Variants in CACNA1B observed in about 807,000 individuals in gnomAD.
CACNA1B encodes the protein calcium voltage-gated channel subunit alpha1 B, also known as voltage-dependent N-type calcium channel subunit alpha-1B.
CACNA1B carries 70 observed loss-of-function variants against 247.2 expected under a neutral mutation model. The observed-to-expected ratio is 0.28, with a 90% CI of 0.23 to 0.35. The LOEUF is 0.35. CACNA1B is among the 10% of genes least tolerant of loss of function. The probability of loss-of-function intolerance (pLI) is 1.00; values close to 1 mark genes in which losing one functional copy is unlikely to be tolerated. For missense variants in CACNA1B, 2,367 were observed against 3,197.4 expected (o/e 0.74, Z 6.26); for synonymous variants, 1,231 against 1,294.4 (o/e 0.95, Z 1.05).
At chr9:138,117,796 A>C (rs1589138248) in intron 42 of CACNA1B, 150 bp from the exon 43 acceptor site, 11 of 526,762 alleles carry the variant, frequency 2.1e-5, no homozygotes, top group Non-Finnish European at 3.6e-5. Flanking sequence ...TGCCCAAAGG[A>C]GGGCTCAATT....
chr9:138,124,001 G>A lies in CACNA1B; in HGVS notation c.*2002G>A, dbSNP rs202221254. On this transcript the variant is annotated 3_prime_UTR_variant, in exon 47 of 47. Transcript: ENST00000371372. ...CCATTTCCCCAGGCAGTGTTGGGTCGAGAATCCACTTTTCTAAACCCACAC... is the reference window on the plus strand; with the variant it reads ...CCATTTCCCCAGGCAGTGTTGGGTCAAGAATCCACTTTTCTAAACCCACAC... 3.3e-5 allele frequency: 5 copies of A among 152,120 alleles called. No homozygotes were observed. The highest frequency in any genetic ancestry group is 6.5e-5 in the Admixed American group (1 of 15,276). The allele number at this position is 152,120 out of a possible 1,614,324, so 9.4% of individuals were successfully genotyped here. A position where few individuals can be genotyped will look rare whatever the true frequency, so the allele number is the denominator to read the frequency against.
chr9:138,120,237 T>G lies in CACNA1B; in HGVS notation c.6103T>G (p.Cys2035Gly). The change falls in exon 45 of 47, where the codon TGC (cysteine) becomes GGC (glycine). Residue 2035 changes from cysteine (C) to glycine (G), a missense_variant. By Grantham distance (159) the Cys-to-Gly change is radical. This residue lies in a region of CACNA1B where 773 missense variants were observed against 779.4 expected (regional missense o/e 0.99). Transcript: ENST00000371372. ...CCAGCGGCCCCGTGGGACTCATCTT[T>G]GCAGCACCACCCCGGACCGCCCACC... ...LAQRPRGTHL[C>G]STTPDRPPPS... The G allele has an allele frequency of 1.2e-6, 2 of 1,607,638 alleles. No individual in the cohort carries two copies. The highest frequency in any genetic ancestry group is 1.7e-6 in the Non-Finnish European group (2 of 1,177,846).
In CACNA1B at chr9:138,033,609, C is replaced by G. The variant is rs141117794; in HGVS notation, c.3286+8437C>G. Among the ~76,000 whole-genome samples, 47 of 152,238 alleles carry G rather than the reference C, an allele frequency of 3.1e-4. No homozygotes were observed. In the East Asian group the frequency reaches 8.9e-3, roughly 29 times the overall value. ...ACTGCTATGAAGAAATACCTGAGAC[C>G]AGGTAATTTATAAAGGAAAGAGGTT... On this transcript the variant is annotated intron_variant, in intron 20 of 46. Coordinates refer to ENST00000371372, the MANE Select transcript of CACNA1B (RefSeq NM_000718.4).
At chr9:137,884,171 G>A (rs1956968949) in intron 3 of CACNA1B, among the ~76,000 whole-genome samples, 1 of 152,214 alleles carries the variant, frequency 6.6e-6, no homozygotes, top group Non-Finnish European at 1.5e-5. Flanking sequence ...TGGGCTTGGG[G>A]GTGTCGCATG....
At position 138,054,095 on chromosome 9, in the gene CACNA1B, A is replaced by C; in HGVS notation, c.3968+89A>C. 3 of 1,279,010 alleles carry C rather than the reference A, an allele frequency of 2.3e-6. No homozygotes were observed. Among genetic ancestry groups the C allele is most frequent in the Middle Eastern group, 2.3e-4 (1 of 4,376 alleles). 79.2% of individuals were successfully genotyped at this position (1,279,010 alleles called of 1,614,324 possible). On this transcript the variant is annotated intron_variant, in intron 26 of 46. Transcript: ENST00000371372. The surrounding 1 kb of genome is among the most constrained non-coding windows in gnomAD (Gnocchi z 4.6). ...CCCTTGGGACCAGGTGGAGCTGGTCACACGGCGTGGGAGACTCCACTGCAG... is the reference window on the plus strand; with the variant it reads ...CCCTTGGGACCAGGTGGAGCTGGTCCCACGGCGTGGGAGACTCCACTGCAG...
rs899737705 is a variant in CACNA1B, at chr9:138,092,035, A to C, written c.5095-4449A>C. On this transcript the variant is annotated intron_variant, in intron 36 of 46. Transcript: ENST00000371372. ...GGTACAAACAGGGAGTAAGACACAA[A>C]GAGCACATGCTTCAAAGGGCAATAA... Among the ~76,000 whole-genome samples the C allele has an allele frequency of 2.6e-5, 4 of 152,234 alleles. No homozygotes were observed. The East Asian group carries it at 7.7e-4, about 29-fold the overall frequency.
intron 6 of CACNA1B, among the ~76,000 whole-genome samples, chr9:137,941,849 A>T (rs1957735643): frequency 6.6e-6 from 1 of 152,222 alleles, no homozygotes; most frequent in Admixed American, 6.5e-5. Flanking sequence ...TCAAGGACTT[A>T]TCTAAGACCT....
chr9:137,945,494 T>C (rs933733032), intron 6 of CACNA1B, among the ~76,000 whole-genome samples: 4 of 152,226 alleles, frequency 2.6e-5, no homozygotes, highest in African/African-American at 9.6e-5. Context: ...CCCTTCACAA[T>C]CAGTGGCCCA....
At chr9:137,967,422 C>T (rs1958092932) in intron 10 of CACNA1B, among the ~76,000 whole-genome samples, 2 of 152,216 alleles carry the variant, frequency 1.3e-5, no homozygotes, top group Admixed American at 6.5e-5. Context: ...CCCCTATGCC[C>T]AGGGGCCCTC....
chr9:138,000,494 AACAG>A (rs1446166396), intron 15 of CACNA1B, among the ~76,000 whole-genome samples: 2 of 152,250 alleles, frequency 1.3e-5, no homozygotes, highest in Non-Finnish European at 2.9e-5. Flanking sequence ...AAAGAAATTT[AACAG>A]ACAGTCAAAG....
chr9:138,023,433 C>G lies in CACNA1B; in HGVS notation c.2690C>G (p.Ala897Gly). ...CACCGCAGCCACAGCAAGGAGGCCG[C>G]GGGGCCCCCGGAGGCGCGGAGCGAG... is the stretch of plus-strand genomic sequence containing the variant. ...RPHRSHSKEA[A>G]GPPEARSERG... Residue 897 changes from alanine (A) to glycine (G), a missense_variant, in exon 19 of 47, where the codon GCG becomes GGG. Ala to Gly is a moderately conservative substitution (Grantham distance 60). This residue lies in a region of CACNA1B where 631 missense variants were observed against 631.1 expected (regional missense o/e 1.00). Transcript: ENST00000371372. The G allele has an allele frequency of 7.9e-7, 1 of 1,266,516 alleles. No homozygotes were observed. The highest frequency in any genetic ancestry group is 9.9e-7 in the Non-Finnish European group (1 of 1,010,378). 78.5% of individuals were successfully genotyped at this position (1,266,516 alleles called of 1,614,324 possible).
At chr9:138,045,582 G>C (rs1959175189) in intron 21 of CACNA1B, among the ~76,000 whole-genome samples, 1 of 152,218 alleles carries the variant, frequency 6.6e-6, no homozygotes, top group South Asian at 2.1e-4. Flanking sequence ...ACTGAGACCA[G>C]CAGTGCTGCT....
intron 45 of CACNA1B, 23 bp from the exon 46 acceptor site, chr9:138,120,608 A>C: frequency 6.8e-7 from 1 of 1,480,432 alleles, no homozygotes; most frequent in Non-Finnish European, 8.9e-7. Flanking sequence ...TGGCCGTGCT[A>C]ACTTCTTCTC....
In CACNA1B at chr9:138,052,329, T is replaced by C. The variant is rs1959323120; in HGVS notation, c.3807+141T>C. On this transcript the variant is annotated intron_variant, in intron 25 of 46. Coordinates refer to ENST00000371372, the MANE Select transcript of CACNA1B (RefSeq NM_000718.4). This position sits in a 1 kb window ranked among gnomAD's most constrained non-coding sequence, Gnocchi z 5.1. ...CCCTGTGTGAGGGGGTTGGGCTCACTCAGCTGTAAGCCCCCATTACCCAAG... is the reference window on the plus strand; with the variant it reads ...CCCTGTGTGAGGGGGTTGGGCTCACCCAGCTGTAAGCCCCCATTACCCAAG... 1.7e-6 allele frequency: 1 copy of C among 596,054 alleles called. No individual in the cohort carries two copies. The highest frequency in any genetic ancestry group is 3.0e-6 in the Non-Finnish European group (1 of 329,928). The allele number at this position is 596,054 out of a possible 1,614,324, so 36.9% of individuals were successfully genotyped here. A position where few individuals can be genotyped will look rare whatever the true frequency, so the allele number is the denominator to read the frequency against.
intron 6 of CACNA1B, among the ~76,000 whole-genome samples, chr9:137,947,975 C>CTTTTTT (rs71387878): frequency 1.1e-3 from 86 of 79,404 alleles, no homozygotes; most frequent in East Asian, 2.7e-3. Context: ...TTCAGCATTC[C>CTTTTTT]TTTTTTTTTT....
chr9:137,997,860 TAAC>T (rs1958518184), intron 15 of CACNA1B, among the ~76,000 whole-genome samples: 1 of 152,122 alleles, frequency 6.6e-6, no homozygotes, highest in Non-Finnish European at 1.5e-5. Flanking sequence ...TTATTTGTAA[TAAC>T]AAAAAACTGA....
chr9:138,087,713 CAAAAAAAAAA>C (rs57138546), intron 36 of CACNA1B, among the ~76,000 whole-genome samples: 1 of 35,458 alleles, frequency 2.8e-5, no homozygotes, highest in Admixed American at 4.8e-4. Flanking sequence ...GACTCCGTCT[CAAAAAAAAAA>C]AAAAAAAAAA....
intron 43 of CACNA1B, 70 bp downstream of exon 43, chr9:138,118,151 CTG>C (rs1033349535): frequency 1.6e-5 from 2 of 127,338 alleles, no homozygotes; most frequent in Non-Finnish European, 1.3e-5. Flanking sequence ...ATGTTTGAGA[CTG>C]GGGTGGGGGA....
chr9:138,101,831 CTG>C (rs1174889332), intron 37 of CACNA1B, among the ~76,000 whole-genome samples: 2 of 152,238 alleles, frequency 1.3e-5, no homozygotes, highest in Non-Finnish European at 2.9e-5. Flanking sequence ...CTGAATCTGG[CTG>C]TGTCTCTAGG....
Sources: gnomAD v4.1 joint callset for allele counts (sites outside exome capture counted in the v4.1 genomes callset) on GRCh38, gnomAD v4.1.1 for gene constraint, gnomAD v4.1.1 regional missense constraint, Gnocchi (gnomAD v3.1) non-coding constraint, MANE v1.5 for transcripts, NCBI Gene and HGNC (gene_info 2026-07-23, HGNC 2026-07-21) for gene names.